RBM20: variants seen among roughly 807,000 people sequenced by gnomAD.
The protein encoded by RBM20 is RNA binding motif protein 20.
A neutral mutation model predicts 110.1 loss-of-function variants in RBM20; 51 were observed. That is an observed-to-expected ratio of 0.46 (90% confidence interval 0.37 to 0.59). RBM20 has a LOEUF of 0.59. Among genes scored for constraint, RBM20 ranks in the 20% least tolerant of loss-of-function variants. RBM20 has a pLI of 0.00. For synonymous variants in RBM20, 589 were observed against 618.2 expected (o/e 0.95, Z 0.70); for missense variants, 1,512 against 1,574.9 (o/e 0.96, Z 0.68).
intron 9 of RBM20, among the ~76,000 whole-genome samples, chr10:110,816,261 T>A (rs1844837224): frequency 6.8e-6 from 1 of 146,408 alleles, no homozygotes; most frequent in African/African-American, 2.7e-5. Context: ...CAACCTGCTC[T>A]TCTCCCTCCC....
intron 9 of RBM20, among the ~76,000 whole-genome samples, chr10:110,816,327 C>T (rs1844839589): frequency 1.4e-5 from 2 of 142,906 alleles, no homozygotes; most frequent in Non-Finnish European, 3.1e-5. Flanking sequence ...CCCGACACTA[C>T]TGCAGACCAT....
chr10:110,803,021 T>C (rs1263257627), intron 7 of RBM20, among the ~76,000 whole-genome samples: 1 of 152,252 alleles, frequency 6.6e-6, no homozygotes, highest in Non-Finnish European at 1.5e-5. Context: ...TCGTAATCAC[T>C]GTACCCTGTG....
At chr10:110,829,535 C>G (rs1373660980) in intron 12 of RBM20, among the ~76,000 whole-genome samples, 1 of 152,198 alleles carries the variant, frequency 6.6e-6, no homozygotes, top group Non-Finnish European at 1.5e-5. Flanking sequence ...TCAGTCCAGG[C>G]AGGCCTCCTG....
intron 1 of RBM20, among the ~76,000 whole-genome samples, chr10:110,713,767 T>C (rs1862973938): frequency 6.6e-6 from 1 of 152,182 alleles, no homozygotes; most frequent in African/African-American, 2.4e-5. Context: ...GATAAAGAAA[T>C]GGAAGCTTAG....
Position 110,767,339 on chromosome 10 carries a change from G to A in RBM20, c.192-13462G>A, listed in dbSNP as rs878909469. Among the ~76,000 whole-genome samples the A allele has an allele frequency of 7.6e-4, 110 of 144,924 alleles. 1 individual carries two copies. In the South Asian group the frequency reaches 9.8e-3, roughly 13 times the overall value. On this transcript the variant is annotated intron_variant, in intron 1 of 13. Transcript: ENST00000369519. ...GGACGGGGCGGCTAGCCGGGTGGGG[G>A]GCTGACCCCCCCACCTCCCTCCCGG...
intron 7 of RBM20, among the ~76,000 whole-genome samples, chr10:110,801,226 A>G (rs965344383): frequency 6.6e-6 from 1 of 152,144 alleles, no homozygotes; most frequent in Non-Finnish European, 1.5e-5. Flanking sequence ...CAGGGGTTCA[A>G]GAGCAGCCTG....
chr10:110,810,846 C>CATGTGT (rs1554902560), intron 8 of RBM20, among the ~76,000 whole-genome samples: 2 of 149,042 alleles, frequency 1.3e-5, no homozygotes, highest in Admixed American at 1.3e-4. Context: ...CATGTGTGTG[C>CATGTGT]GTGTGTGTGT....
rs190655799 is a variant in RBM20, at chr10:110,777,955, T to C, written c.192-2846T>C. Among the ~76,000 whole-genome samples, 409 of 152,360 alleles carry C rather than the reference T, an allele frequency of 2.7e-3. 4 individuals are homozygous for C. The highest frequency in any genetic ancestry group is 9.5e-3 in the African/African-American group (393 of 41,584). Reference sequence around the variant, plus strand: ...GGCCACGGTTTTGAGTTAAGCTTAATTGCTTTTCTAAAGCTCAGCTACTTA... The same window carrying C: ...GGCCACGGTTTTGAGTTAAGCTTAACTGCTTTTCTAAAGCTCAGCTACTTA... On this transcript the variant is annotated intron_variant, in intron 1 of 13. Transcript: ENST00000369519.
rs370197440 is a variant in RBM20, at chr10:110,654,889, C to T, written c.191+10244C>T. ...ACAACTAACTCGTACAGAGTGCTTT[C>T]TGTGTGCCAGCCACTATTCTAAACA... On this transcript the variant is annotated intron_variant, in intron 1 of 13. Transcript: ENST00000369519. Among the ~76,000 whole-genome samples, 92 of 152,316 alleles carry T rather than the reference C, an allele frequency of 6.0e-4. 1 individual carries two copies. The South Asian group carries it at 0.018, about 30-fold the overall frequency.
intron 1 of RBM20, among the ~76,000 whole-genome samples, chr10:110,677,750 TTAGA>T (rs1178708636): frequency 1.3e-5 from 2 of 152,358 alleles, no homozygotes; most frequent in African/African-American, 2.4e-5. Context: ...ACGGAAGATC[TTAGA>T]TAGTTGGTGT....
At chr10:110,715,884 A>G (rs1012038766) in intron 1 of RBM20, among the ~76,000 whole-genome samples, 3 of 152,150 alleles carry the variant, frequency 2.0e-5, no homozygotes, top group African/African-American at 7.2e-5. Flanking sequence ...ATAACTAATC[A>G]CATGGTCCCC....
chr10:110,814,555 G>A (rs1300127742), intron 9 of RBM20, among the ~76,000 whole-genome samples: 1 of 152,094 alleles, frequency 6.6e-6, no homozygotes, highest in Non-Finnish European at 1.5e-5. Context: ...GAGTGCAGTG[G>A]TGTGATCTCA....
intron 1 of RBM20, among the ~76,000 whole-genome samples, chr10:110,701,233 A>G (rs1862753106): frequency 6.6e-6 from 1 of 152,068 alleles, no homozygotes; most frequent in Non-Finnish European, 1.5e-5. Context: ...TCTCAAAATT[A>G]CAGATTGTGA....
At position 110,781,671 on chromosome 10, in the gene RBM20, A is replaced by G; in HGVS notation, c.1062A>G (p.Glu354=). ...CCTATGAGCTGTACGACCCCGAGGA[A>G]CCAACCTCAGACAGGACACCTCCTT... The part of the protein sequence containing the change: ...NQPYELYDPE[E]PTSDRTPPSF... The change falls in exon 2 of 14, where the codon GAA becomes GAG. Residue 354 remains glutamate (E), a synonymous_variant. Transcript: ENST00000369519. 4 of 1,548,644 alleles carry G rather than the reference A, an allele frequency of 2.6e-6. No homozygotes were observed. The highest frequency in any genetic ancestry group is 3.5e-6 in the Non-Finnish European group (4 of 1,144,786).
intron 1 of RBM20, among the ~76,000 whole-genome samples, chr10:110,741,661 CTG>C (rs1843726621): frequency 6.6e-6 from 1 of 152,224 alleles, no homozygotes; most frequent in Non-Finnish European, 1.5e-5. Flanking sequence ...ACTCACAACT[CTG>C]TGGCAGCCTG....
chr10:110,690,540 C>A (rs1016078658), intron 1 of RBM20, among the ~76,000 whole-genome samples: 1 of 152,214 alleles, frequency 6.6e-6, no homozygotes, highest in African/African-American at 2.4e-5. Flanking sequence ...AAACAAAACT[C>A]CCCATGTCCC....
intron 1 of RBM20, among the ~76,000 whole-genome samples, chr10:110,779,212 T>C (rs1169530272): frequency 6.6e-6 from 1 of 152,084 alleles, no homozygotes; most frequent in Non-Finnish European, 1.5e-5. Context: ...GATGGAAGGG[T>C]TGGGACTTTC....
intron 1 of RBM20, among the ~76,000 whole-genome samples, chr10:110,670,094 T>C (rs1862236588): frequency 6.6e-6 from 1 of 151,846 alleles, no homozygotes; most frequent in African/African-American, 2.4e-5. Context: ...TTTTGAAGAG[T>C]GATTTTTTTA....
chr10:110,826,370 C>T (rs1844980831), intron 12 of RBM20, among the ~76,000 whole-genome samples: 1 of 152,154 alleles, frequency 6.6e-6, no homozygotes, highest in Non-Finnish European at 1.5e-5. Context: ...TTCATCATAT[C>T]CCAAATTTCC....
Sources: allele counts gnomAD v4.1 joint callset (sites outside exome capture counted in the v4.1 genomes callset), GRCh38; gene constraint gnomAD v4.1.1; transcripts MANE v1.5; gene names NCBI Gene and HGNC (gene_info 2026-07-23, HGNC 2026-07-21).